The following ERP44 variants were observed in gnomAD, a reference collection of about 807,000 sequenced individuals.
ERP44 encodes endoplasmic reticulum resident protein 44.
Under a neutral mutation model 53.4 loss-of-function variants are expected in ERP44, and 25 were observed. The ratio of observed to expected loss-of-function variants is 0.47; its 90% confidence interval spans 0.34 to 0.65. ERP44 has a LOEUF of 0.65. Among genes scored for constraint, ERP44 ranks in the 30% least tolerant of loss-of-function variants. The pLI, the probability that ERP44 is intolerant of heterozygous loss-of-function variation, is 0.01. For synonymous variants in ERP44, 145 were observed against 161.2 expected (o/e 0.90, Z 0.76); for missense variants, 338 against 493.2 (o/e 0.69, Z 2.98).
intron 1 of ERP44, among the ~76,000 whole-genome samples, chr9:100,090,932 T>C (rs1539298): frequency 0.99 from 150,720 of 152,246 alleles, 74,610 homozygotes; most frequent in Middle Eastern, 1. Flanking sequence ...ATGTCAAACA[T>C]GACCTAACAA....
At chr9:100,052,630 A>G (rs2118707899) in intron 3 of ERP44, 98 bp from the exon 4 acceptor site, 1 of 551,170 alleles carries the variant, frequency 1.8e-6, no homozygotes, top group Non-Finnish European at 3.2e-6. Context: ...GGCATAATAA[A>G]CGACTCTGCG....
At chr9:100,053,061 G>A (rs145150121) in intron 3 of ERP44, among the ~76,000 whole-genome samples, 116 of 152,224 alleles carry the variant, frequency 7.6e-4, no homozygotes, top group African/African-American at 2.5e-3. Flanking sequence ...AGACTATTGT[G>A]TAAAATATTT....
In ERP44 at chr9:100,009,555, C is replaced by T. The variant is rs113651806; in HGVS notation, c.763-1866G>A. Among the ~76,000 whole-genome samples the T allele has an allele frequency of 7.2e-4, 110 of 152,214 alleles. 1 individual carries two copies. The highest frequency in any genetic ancestry group is 2.5e-3 in the African/African-American group (104 of 41,542). ...CCTCATCTTTTATCTCTTGGACTCA[C>T]ATTTTTTCTTCCCCCATCCATTAAC... On this transcript the variant is annotated intron_variant, in intron 8 of 11. Coordinates refer to ENST00000262455, the MANE Select transcript of ERP44 (RefSeq NM_015051.3).
chr9:100,028,279 G>GCT (rs1486170382), intron 4 of ERP44, among the ~76,000 whole-genome samples: 1 of 152,152 alleles, frequency 6.6e-6, no homozygotes, highest in Admixed American at 6.5e-5. Flanking sequence ...CTTGCTTAGT[G>GCT]CCATACAGCC....
At chr9:100,046,773 G>A (rs1464037414) in intron 4 of ERP44, among the ~76,000 whole-genome samples, 1 of 152,052 alleles carries the variant, frequency 6.6e-6, no homozygotes, top group Admixed American at 6.6e-5. Context: ...TTAACAAGCT[G>A]ATTCTAAAAG....
chr9:100,061,757 G>A (rs970187365), intron 1 of ERP44, among the ~76,000 whole-genome samples: 3 of 151,736 alleles, frequency 2.0e-5, no homozygotes, highest in Non-Finnish European at 2.9e-5. Flanking sequence ...CCTAAAAGTA[G>A]GCTAAATAAT....
intron 5 of ERP44, among the ~76,000 whole-genome samples, chr9:100,020,944 A>C (rs1273472683): frequency 1.3e-5 from 2 of 152,234 alleles, no homozygotes; most frequent in African/African-American, 4.8e-5. Context: ...ATACAATCAT[A>C]AACATTTCCT....
chr9:100,068,796 A>G (rs1417885511), intron 1 of ERP44, among the ~76,000 whole-genome samples: 1 of 152,134 alleles, frequency 6.6e-6, no homozygotes. Flanking sequence ...GGTGTACCCA[A>G]CAGCTCACTG....
chr9:100,098,659 G>C, intron 1 of ERP44, 125 bp downstream of exon 1: 1 of 736,028 alleles, frequency 1.4e-6, no homozygotes, highest in East Asian at 3.0e-5. Context: ...CAGCGGGGGA[G>C]GGTGCACTCC....
At chr9:99,996,624 C>T (rs2118615911) in intron 10 of ERP44, among the ~76,000 whole-genome samples, 1 of 152,022 alleles carries the variant, frequency 6.6e-6, no homozygotes, top group South Asian at 2.1e-4. Flanking sequence ...TTTGGTGCAC[C>T]CATCACCAGA....
chr9:100,040,233 A>G (rs1371900239), intron 4 of ERP44, among the ~76,000 whole-genome samples: 1 of 152,120 alleles, frequency 6.6e-6, no homozygotes, highest in Non-Finnish European at 1.5e-5. Flanking sequence ...GGAAAACTAC[A>G]GGCCAATAAA....
intron 10 of ERP44, among the ~76,000 whole-genome samples, chr9:99,987,725 T>C (rs1465219755): frequency 6.6e-6 from 1 of 152,172 alleles, no homozygotes; most frequent in Non-Finnish European, 1.5e-5. Flanking sequence ...ACCTTCTATG[T>C]TGTCATTTCT....
At chr9:100,031,803 A>G (rs959182559) in intron 4 of ERP44, among the ~76,000 whole-genome samples, 4 of 152,206 alleles carry the variant, frequency 2.6e-5, no homozygotes, top group African/African-American at 9.7e-5. Context: ...TGTTTTGGGA[A>G]AAACCTCTGT....
chr9:100,015,430 T>G (rs748238261), intron 8 of ERP44, among the ~76,000 whole-genome samples: 35 of 152,324 alleles, frequency 2.3e-4, no homozygotes, highest in Middle Eastern at 6.8e-3. Context: ...CATAACTCTT[T>G]GTACTTGTTC....
intron 1 of ERP44, among the ~76,000 whole-genome samples, chr9:100,090,173 A>C (rs1826535490): frequency 6.6e-6 from 1 of 152,176 alleles, no homozygotes; most frequent in African/African-American, 2.4e-5. Flanking sequence ...AAAAAGAAAA[A>C]AAAAGTAGCT....
chr9:100,087,161 C>CTA (rs992751271), intron 1 of ERP44, among the ~76,000 whole-genome samples: 2 of 151,760 alleles, frequency 1.3e-5, no homozygotes, highest in Admixed American at 1.3e-4. Flanking sequence ...AACCAATGGA[C>CTA]TATACGACAA....
At chr9:100,087,388 A>C (rs905772618) in intron 1 of ERP44, among the ~76,000 whole-genome samples, 6 of 152,230 alleles carry the variant, frequency 3.9e-5, no homozygotes, top group African/African-American at 1.2e-4. Flanking sequence ...AACTCATTAC[A>C]TCAGTGCACA....
intron 8 of ERP44, among the ~76,000 whole-genome samples, chr9:100,011,075 A>G (rs1286758479): frequency 6.6e-6 from 1 of 152,226 alleles, no homozygotes; most frequent in Non-Finnish European, 1.5e-5. Flanking sequence ...TTACTTCCTT[A>G]AAGTTTGATA....
chr9:100,038,363 C>T (rs6478997), intron 4 of ERP44, among the ~76,000 whole-genome samples: 4 of 151,940 alleles, frequency 2.6e-5, no homozygotes, highest in Non-Finnish European at 5.9e-5. Flanking sequence ...AGGGAGATGA[C>T]GTTAAAGTGT....
Sources: allele counts gnomAD v4.1 joint callset (sites outside exome capture counted in the v4.1 genomes callset), GRCh38; gene constraint gnomAD v4.1.1; transcripts MANE v1.5; gene names NCBI Gene and HGNC (gene_info 2026-07-23, HGNC 2026-07-21).